The following DCT variants were observed in gnomAD, a reference collection of about 807,000 sequenced individuals.
DCT encodes dopachrome tautomerase, also known as L-dopachrome tautomerase.
A neutral mutation model predicts 53.0 loss-of-function variants in DCT; 47 were observed. That is an observed-to-expected ratio of 0.89 (90% CI 0.70 to 1.13). The LOEUF (loss-of-function observed/expected upper bound fraction) is 1.13. DCT is among the 50% of genes most tolerant of loss of function. The pLI, the probability that DCT is intolerant of heterozygous loss-of-function variation, is 0.00. For missense variants in DCT, 669 were observed against 637.4 expected, an observed-to-expected ratio of 1.05 and a Z score of -0.53; for synonymous variants, 244 against 237.0, an observed-to-expected ratio of 1.03 and a Z score of -0.27.
the DCT span, among the ~76,000 whole-genome samples, chr13:94,495,244 G>A: frequency 2.0e-5 from 3 of 152,222 alleles, no homozygotes; most frequent in Middle Eastern, 3.4e-3. Context: ...ATACAGGCAT[G>A]TGCCACCACA....
At chr13:94,467,646 C>A (rs917207856) in intron 2 of DCT, 1 of 152,292 alleles carries the variant, frequency 6.6e-6, no homozygotes, top group African/African-American at 2.4e-5. Context: ...GCACTGCTGT[C>A]CCTGATGTTG....
chr13:94,450,921 AT>A (rs1298485505), intron 6 of DCT, among the ~76,000 whole-genome samples: 1 of 152,198 alleles, frequency 6.6e-6, no homozygotes, highest in East Asian at 1.9e-4. Context: ...TTATATTCAT[AT>A]TTTATCAGAA....
intron 7 of DCT, among the ~76,000 whole-genome samples, chr13:94,440,465 T>C (rs945219290): frequency 6.6e-6 from 1 of 152,084 alleles, no homozygotes; most frequent in Non-Finnish European, 1.5e-5. Flanking sequence ...AATTCTGCTA[T>C]TGTCTCTACC....
At chr13:94,448,084 C>A (rs113595667) in intron 6 of DCT, among the ~76,000 whole-genome samples, 1 of 152,018 alleles carries the variant, frequency 6.6e-6, no homozygotes, top group Non-Finnish European at 1.5e-5. Flanking sequence ...CCCATTTCTA[C>A]AAAAATTTAA....
chr13:94,483,265 A>T (rs185160762), upstream of DCT, among the ~76,000 whole-genome samples: 6 of 151,620 alleles, frequency 4.0e-5, no homozygotes, highest in East Asian at 1.2e-3. Flanking sequence ...AAGGAGTGAG[A>T]CCCTGTCTCA....
At chr13:94,515,222 T>C in the DCT span, among the ~76,000 whole-genome samples, 2 of 152,358 alleles carry the variant, frequency 1.3e-5, no homozygotes, top group Non-Finnish European at 2.9e-5. Context: ...TCCTAGTCTA[T>C]GGTACTCTGC....
the DCT span, among the ~76,000 whole-genome samples, chr13:94,529,454 G>A: frequency 6.6e-6 from 1 of 152,018 alleles, no homozygotes; most frequent in Non-Finnish European, 1.5e-5. Flanking sequence ...CACACCACAG[G>A]GCAATCAAAT....
In DCT at chr13:94,466,678, T is replaced by C. The variant is rs1458010759; in HGVS notation, c.596-20A>G. ...CTGGTCCTGAAACAATTGGGAAACA[T>C]ATTAGAGATGACAGAATAGAATTTT... On this transcript the variant is annotated intron_variant, in intron 2 of 7. Transcript: ENST00000377028. The C allele has an allele frequency of 1.3e-6, 2 of 1,504,582 alleles. No individual in the cohort carries two copies. The highest frequency in any genetic ancestry group is 1.8e-6 in the Non-Finnish European group (2 of 1,096,082). 93.2% of individuals were successfully genotyped at this position (1,504,582 alleles called of 1,614,324 possible). A position where few individuals can be genotyped will look rare whatever the true frequency, so the allele number is the denominator to read the frequency against.
chr13:94,501,962 G>C, the DCT span, among the ~76,000 whole-genome samples: 1 of 151,646 alleles, frequency 6.6e-6, no homozygotes, highest in East Asian at 1.9e-4. Flanking sequence ...GTCTCCCACT[G>C]TTTCCATAGC....
the DCT span, among the ~76,000 whole-genome samples, chr13:94,519,301 ACT>A: frequency 6.6e-6 from 1 of 152,104 alleles, no homozygotes; most frequent in South Asian, 2.1e-4. Context: ...ATTCCTGGTG[ACT>A]CTCCAGCACC....
intron 7 of DCT, 120 bp from the exon 8 acceptor site, chr13:94,440,196 A>G (rs2139265809): frequency 1.5e-6 from 1 of 674,590 alleles, no homozygotes. Context: ...AAAACTACTC[A>G]TGCTAGACTA....
At chr13:94,545,773 C>T in the DCT span, among the ~76,000 whole-genome samples, 8 of 152,118 alleles carry the variant, frequency 5.3e-5, 1 homozygote, top group South Asian at 1.0e-3. Context: ...TATATATAAG[C>T]GGTGTGTGTA....
chr13:94,541,329 C>G, the DCT span, among the ~76,000 whole-genome samples: 2 of 151,994 alleles, frequency 1.3e-5, no homozygotes, highest in African/African-American at 4.8e-5. Context: ...CATGCTGAAA[C>G]CACATCTCTA....
intron 1 of DCT, among the ~76,000 whole-genome samples, chr13:94,472,521 CATATAT>C (rs1555334365): frequency 0.026 from 641 of 24,964 alleles, 6 homozygotes; most frequent in East Asian, 0.06. Context: ...TACATACATA[CATATAT>C]ATATATATAT....
upstream of DCT, among the ~76,000 whole-genome samples, chr13:94,480,306 A>C (rs1344470193): frequency 6.6e-6 from 1 of 152,220 alleles, no homozygotes. Flanking sequence ...TTTTGATTAG[A>C]CTAAAGTGAA....
the DCT span, among the ~76,000 whole-genome samples, chr13:94,527,781 A>G: frequency 6.6e-6 from 1 of 152,248 alleles, no homozygotes; most frequent in Admixed American, 6.5e-5. Context: ...CTAGACAGAG[A>G]ATGAGTTTGA....
the DCT span, among the ~76,000 whole-genome samples, chr13:94,495,148 G>C: frequency 6.6e-6 from 1 of 152,050 alleles, no homozygotes. Flanking sequence ...TCAAGCTTGA[G>C]TGCAGTGGTG....
At chr13:94,470,841 A>C (rs1884599347) in intron 1 of DCT, among the ~76,000 whole-genome samples, 1 of 152,184 alleles carries the variant, frequency 6.6e-6, no homozygotes, top group African/African-American at 2.4e-5. Flanking sequence ...ACATTTATTT[A>C]CACTGATTGT....
the DCT span, among the ~76,000 whole-genome samples, chr13:94,484,731 T>C: frequency 6.6e-6 from 1 of 152,178 alleles, no homozygotes; most frequent in African/African-American, 2.4e-5. Context: ...TTTCCTTTTT[T>C]TATACGAACA....
Sources: gnomAD v4.1 joint callset for allele counts (sites outside exome capture counted in the v4.1 genomes callset) on GRCh38, gnomAD v4.1.1 for gene constraint, MANE v1.5 for transcripts, NCBI Gene and HGNC (gene_info 2026-07-23, HGNC 2026-07-21) for gene names.